P3H2: variants seen among roughly 807,000 people sequenced by gnomAD.
The protein encoded by P3H2 is prolyl 3-hydroxylase 2, also known as leprecan-like 1.
A neutral mutation model predicts 87.0 loss-of-function variants in P3H2; 80 were observed. The ratio of observed to expected loss-of-function variants is 0.92; its 90% CI spans 0.77 to 1.11. The LOEUF (loss-of-function observed/expected upper bound fraction) is 1.11, where lower values mean the gene tolerates loss of function less well. P3H2 is among the 50% of genes least tolerant of loss of function. P3H2 has a pLI of 0.00. For synonymous variants in P3H2, 367 were observed against 359.3 expected, an observed-to-expected ratio of 1.02 and a Z score of -0.24; for missense variants, 1,001 against 923.9, an observed-to-expected ratio of 1.08 and a Z score of -1.08.
intron 1 of P3H2, among the ~76,000 whole-genome samples, chr3:190,057,076 A>G (rs1249688003): frequency 6.6e-6 from 1 of 152,224 alleles, no homozygotes; most frequent in African/African-American, 2.4e-5. Flanking sequence ...CTGGAGCAGA[A>G]GGAGAATGAC....
intron 1 of P3H2, among the ~76,000 whole-genome samples, chr3:190,107,255 A>T (rs1711879760): frequency 6.6e-6 from 1 of 152,204 alleles, no homozygotes; most frequent in South Asian, 2.1e-4. Context: ...TAGATGATAG[A>T]TGGATATACA....
intron 1 of P3H2, among the ~76,000 whole-genome samples, chr3:190,106,099 G>T (rs747432827): frequency 6.6e-6 from 1 of 152,118 alleles, no homozygotes; most frequent in African/African-American, 2.4e-5. Flanking sequence ...TGTGGGAAGA[G>T]ATTTTATCTA....
At chr3:189,993,121 G>C (rs950498633) in intron 3 of P3H2, among the ~76,000 whole-genome samples, 1 of 152,002 alleles carries the variant, frequency 6.6e-6, no homozygotes, top group South Asian at 2.1e-4. Flanking sequence ...TCAGGAGATC[G>C]AGACCAGCCT....
chr3:190,040,832 CA>C (rs1725583884), intron 1 of P3H2, among the ~76,000 whole-genome samples: 2 of 151,338 alleles, frequency 1.3e-5, no homozygotes, highest in Admixed American at 6.6e-5. Context: ...TCAGCTACTA[CA>C]AAGCTAGTAC....
At chr3:190,087,302 C>G (rs180767985) in intron 1 of P3H2, among the ~76,000 whole-genome samples, 3 of 151,768 alleles carry the variant, frequency 2.0e-5, no homozygotes, top group Non-Finnish European at 4.4e-5. Flanking sequence ...TTTGGGAGGC[C>G]GAGGAGGGCA....
At chr3:190,033,571 T>G (rs1471920883) in intron 1 of P3H2, among the ~76,000 whole-genome samples, 2 of 152,334 alleles carry the variant, frequency 1.3e-5, no homozygotes, top group Non-Finnish European at 2.9e-5. Context: ...ACATGTCTAT[T>G]TCTTTATGAG....
At chr3:189,988,209 C>G (rs996418402) in intron 4 of P3H2, among the ~76,000 whole-genome samples, 4 of 152,162 alleles carry the variant, frequency 2.6e-5, no homozygotes, top group African/African-American at 9.7e-5. Flanking sequence ...AATTATAGCA[C>G]ATCCTACAGT....
intron 1 of P3H2, among the ~76,000 whole-genome samples, chr3:190,095,967 G>GCAA (rs139323041): frequency 0.19 from 29,552 of 151,750 alleles, 3,038 homozygotes; most frequent in Non-Finnish European, 0.23. Flanking sequence ...AGCATAAAAG[G>GCAA]CAACAACAAC....
At position 189,977,227 on chromosome 3, in the gene P3H2, A is replaced by G. The variant is rs185667095; in HGVS notation, c.1325-2542T>C. On this transcript the variant is annotated intron_variant, in intron 8 of 14. Coordinates refer to ENST00000319332, the MANE Select transcript of P3H2 (RefSeq NM_018192.4). Reference sequence around the variant, plus strand: ...TAAACAGTAGAATATGGCAAAGGTGATAAGGTGTCATTTCTGTGACTATGT... The same window carrying G: ...TAAACAGTAGAATATGGCAAAGGTGGTAAGGTGTCATTTCTGTGACTATGT... Among the ~76,000 whole-genome samples, 387 of 152,336 alleles carry G rather than the reference A, an allele frequency of 2.5e-3. 2 individuals carry two copies. Among genetic ancestry groups the G allele is most frequent in the South Asian group, 0.021 (100 of 4,822 alleles).
chr3:190,077,909 G>C (rs1726922593), intron 1 of P3H2, among the ~76,000 whole-genome samples: 6 of 152,114 alleles, frequency 3.9e-5, no homozygotes. Flanking sequence ...GACCCATAGA[G>C]AGTAATGATT....
intron 1 of P3H2, among the ~76,000 whole-genome samples, chr3:190,090,716 AT>A (rs1727384765): frequency 6.8e-6 from 1 of 147,420 alleles, no homozygotes. Context: ...AAAAAAAAAA[AT>A]TTACCACCTA....
Position 190,039,202 on chromosome 3 carries a change from A to G in P3H2, c.481-43760T>C, listed in dbSNP as rs978217379. Among the ~76,000 whole-genome samples, 13 of 152,116 alleles carry G rather than the reference A, an allele frequency of 8.5e-5. No homozygotes were observed. In the East Asian group the frequency reaches 2.1e-3, roughly 25 times the overall value. On this transcript the variant is annotated intron_variant, in intron 1 of 14. Coordinates refer to ENST00000319332, the MANE Select transcript of P3H2 (RefSeq NM_018192.4). ...GAAACTCCATCTCAAAAAAAAAAAT[A>G]AAAAAGAATTGAGCACTGTAAGGAA...
At chr3:190,110,967 A>G (rs1712047996) in intron 1 of P3H2, among the ~76,000 whole-genome samples, 1 of 152,222 alleles carries the variant, frequency 6.6e-6, no homozygotes, top group Non-Finnish European at 1.5e-5. Flanking sequence ...TGAATCTAAT[A>G]TTTGTAGATA....
At chr3:189,966,086 G>GAA (rs1326899310) in intron 13 of P3H2, among the ~76,000 whole-genome samples, 111 of 119,770 alleles carry the variant, frequency 9.3e-4, no homozygotes, top group African/African-American at 4.4e-3. Flanking sequence ...AAGAAAGGAA[G>GAA]AAAGAAAGAA....
intron 1 of P3H2, among the ~76,000 whole-genome samples, chr3:190,042,770 T>A (rs1725677297): frequency 6.6e-6 from 1 of 152,176 alleles, no homozygotes; most frequent in South Asian, 2.1e-4. Context: ...ATACTGACTG[T>A]TCTTAGAAAC....
intron 1 of P3H2, among the ~76,000 whole-genome samples, chr3:190,086,398 C>CG (rs1475484899): frequency 2.0e-5 from 3 of 152,006 alleles, no homozygotes. Flanking sequence ...GAGTGTTTCC[C>CG]GGGGGTAGTT....
At chr3:189,982,487 T>C (rs908430202) in intron 8 of P3H2, among the ~76,000 whole-genome samples, 1 of 152,346 alleles carries the variant, frequency 6.6e-6, no homozygotes, top group South Asian at 2.1e-4. Context: ...AGTAGGCACA[T>C]AATGTTCCGC....
rs974504326 is a variant in P3H2 at position 189,987,389 on chromosome 3, G to A, written c.1098+138C>T. 1.1e-5 allele frequency: 10 copies of A among 886,662 alleles called. No homozygotes were observed. The South Asian group carries it at 1.6e-4, about 14-fold the overall frequency. 54.9% of individuals were successfully genotyped at this position (886,662 alleles called of 1,614,324 possible). A position where few individuals can be genotyped will look rare whatever the true frequency, so the allele number is the denominator to read the frequency against. ...AGCTACTAGGGAGGCTGAGGCAGGA[G>A]AATCGCTTGAACCCGGGAGGCGGAG... On this transcript the variant is annotated intron_variant, in intron 5 of 14. Transcript: ENST00000319332.
At chr3:189,958,577 T>C (rs1722709525) in intron 14 of P3H2, among the ~76,000 whole-genome samples, 1 of 152,048 alleles carries the variant, frequency 6.6e-6, no homozygotes, top group African/African-American at 2.4e-5. Flanking sequence ...GGTGCTGCCC[T>C]GTGCCCTGCA....
Sources: allele counts gnomAD v4.1 joint callset (sites outside exome capture counted in the v4.1 genomes callset), GRCh38; gene constraint gnomAD v4.1.1; transcripts MANE v1.5; gene names NCBI Gene and HGNC (gene_info 2026-07-23, HGNC 2026-07-21).